Variants in C3 observed in about 807,000 individuals in gnomAD.
The protein encoded by C3 is complement C3.
Under a neutral mutation model 207.9 loss-of-function variants are expected in C3, and 97 were observed. The ratio of observed to expected loss-of-function variants is 0.47; its 90% CI spans 0.40 to 0.55. The LOEUF is 0.55. C3 is among the 20% of genes least tolerant of loss of function. The probability of loss-of-function intolerance (pLI) is 0.00; values close to 1 mark genes in which losing one functional copy is unlikely to be tolerated. For missense variants in C3, 1,684 were observed against 2,171.7 expected, an observed-to-expected ratio of 0.78 and a Z score of 4.46; for synonymous variants, 848 against 857.6, an observed-to-expected ratio of 0.99 and a Z score of 0.20.
intron 6 of C3, 37 bp from the exon 7 acceptor site, chr19:6,714,119 G>C (rs1967982234): frequency 1.2e-6 from 2 of 1,609,078 alleles, no homozygotes; most frequent in Admixed American, 1.7e-5. Flanking sequence ...CCGGCGCTGG[G>C]CCAGGCGTTC....
chr19:6,711,314 A>G (rs1967919432), intron 11 of C3, 118 bp from the exon 12 acceptor site: 1 of 764,642 alleles, frequency 1.3e-6, no homozygotes, highest in Non-Finnish European at 2.3e-6. Context: ...GATGGGATTA[A>G]GTTAGGGATC....
intron 17 of C3, among the ~76,000 whole-genome samples, chr19:6,705,961 A>C (rs1967766146): frequency 6.6e-6 from 1 of 152,212 alleles, no homozygotes; most frequent in Non-Finnish European, 1.5e-5. Flanking sequence ...GGTGTGAGCC[A>C]CCATGCCCGG....
At position 6,712,335 on chromosome 19, in the gene C3, C is replaced by A; in HGVS notation, c.1191G>T (p.Val397=). Residue 397 remains valine (V), a synonymous_variant, in exon 11 of 41, where the codon GTG becomes GTT. Transcript: ENST00000245907. ...VPVAVQGEDT[V]QSLTQGDGVA... is the part of the protein sequence containing the mutation. ...CGCCATCTCCCTGGGTTAGAGACTGCACAGTGTCCTCGCCCTGGACTGCCA... is the reference window on the plus strand; with the variant it reads ...CGCCATCTCCCTGGGTTAGAGACTGAACAGTGTCCTCGCCCTGGACTGCCA... 6.2e-7 allele frequency: 1 copy of A among 1,614,122 alleles called. No homozygotes were observed. Among genetic ancestry groups the A allele is most frequent in the Non-Finnish European group, 8.5e-7 (1 of 1,180,022 alleles).
At position 6,694,549 on chromosome 19, in the gene C3, T is replaced by C; in HGVS notation, c.3036A>G (p.Glu1012=). 6.2e-7 allele frequency: 1 copy of C among 1,614,040 alleles called. No homozygotes were observed. Among genetic ancestry groups the C allele is most frequent in the Non-Finnish European group, 8.5e-7 (1 of 1,179,936 alleles). The change falls in exon 24 of 41, where the codon GAA becomes GAG. Residue 1012 remains glutamate (E), a synonymous_variant. Transcript: ENST00000245907. ...HLIVTPSGCG[E]QNMIGMTPTV... Reference sequence around the variant, plus strand: ...TGGGCGTCATGCCGATCATGTTCTGTTCCCCGCAGCCCGAGGGGGTCACAA... The same window carrying C: ...TGGGCGTCATGCCGATCATGTTCTGCTCCCCGCAGCCCGAGGGGGTCACAA...
chr19:6,693,646 T>C (rs1436114444), intron 24 of C3, among the ~76,000 whole-genome samples, 159 bp from the exon 25 acceptor site: 1 of 124,332 alleles, frequency 8.0e-6, no homozygotes, highest in Admixed American at 9.8e-5. Context: ...TCAAAGAGGG[T>C]GGGGGATCAG....
intron 15 of C3, 91 bp downstream of exon 15, chr19:6,707,709 C>T: frequency 6.3e-7 from 1 of 1,579,418 alleles, no homozygotes; most frequent in Non-Finnish European, 8.7e-7. Context: ...GGGGCTTGAA[C>T]CCAGGCCCCC....
chr19:6,694,022 G>A (rs1484413383), intron 24 of C3, among the ~76,000 whole-genome samples: 17 of 110,662 alleles, frequency 1.5e-4, no homozygotes, highest in East Asian at 8.1e-4. Flanking sequence ...GTCTCATGAA[G>A]AGCCTGGCCT....
intron 19 of C3, among the ~76,000 whole-genome samples, chr19:6,701,376 C>G (rs1290498084): frequency 6.6e-6 from 1 of 152,108 alleles, no homozygotes; most frequent in East Asian, 1.9e-4. Context: ...AGAGACCTCC[C>G]AAAACATGCT....
rs866759048 is a variant in C3, at chr19:6,718,935, G to T, written c.267+276C>A. ...GGGGAGGAGTCTCAGAAGGGGTGGGGTCTCAGGGAAGGTCAGGGCTTAGAA... is the reference window on the plus strand; with the variant it reads ...GGGGAGGAGTCTCAGAAGGGGTGGGTTCTCAGGGAAGGTCAGGGCTTAGAA... On this transcript the variant is annotated intron_variant, in intron 2 of 40. Transcript: ENST00000245907. Among the ~76,000 whole-genome samples the T allele has an allele frequency of 1.8e-4, 25 of 137,772 alleles. 1 individual carries two copies. The highest frequency in any genetic ancestry group is 3.7e-3 in the Middle Eastern group (1 of 270). 90.4% of individuals were successfully genotyped at this position (137,772 alleles called of 152,430 possible).
At chr19:6,697,252 CTCA>C in intron 21 of C3, 89 bp downstream of exon 21, 1 of 955,670 alleles carries the variant, frequency 1.0e-6, no homozygotes, top group East Asian at 2.5e-5. Context: ...TTCTTAGTGT[CTCA>C]GAGCCTGGAT....
chr19:6,679,052 C>A lies in C3; in HGVS notation c.4630+73G>T, dbSNP rs935822386. ...CAGCCTGAAGCCACACCATGACAAC[C>A]ACACCTACCACCCACCACACAATTG... On this transcript the variant is annotated intron_variant, in intron 38 of 40. Transcript: ENST00000245907. The A allele has an allele frequency of 5.0e-6, 6 of 1,203,848 alleles. No homozygotes were observed. The African/African-American group carries it at 7.5e-5, about 15-fold the overall frequency. 74.6% of individuals were successfully genotyped at this position (1,203,848 alleles called of 1,614,324 possible). A position where few individuals can be genotyped will look rare whatever the true frequency, so the allele number is the denominator to read the frequency against.
At chr19:6,688,524 C>CTT (rs567622874) in intron 27 of C3, among the ~76,000 whole-genome samples, 2 of 144,352 alleles carry the variant, frequency 1.4e-5, no homozygotes, top group East Asian at 2.0e-4. Context: ...TTATAGCACA[C>CTT]TTTTTTTTTT....
chr19:6,698,031 T>G (rs1967578538), intron 19 of C3, among the ~76,000 whole-genome samples: 2 of 132,416 alleles, frequency 1.5e-5, no homozygotes, highest in Non-Finnish European at 1.6e-5. Context: ...TATTATTAAT[T>G]ATTTGAGACA....
intron 4 of C3, 23 bp downstream of exon 4, chr19:6,718,071 C>G (rs1328263776): frequency 1.1e-5 from 18 of 1,613,302 alleles, no homozygotes; most frequent in Non-Finnish European, 1.4e-5. Context: ...CCTGCTTCCC[C>G]TGGGGCCCCC....
At chr19:6,714,883 A>G (rs2145433047) in intron 4 of C3, among the ~76,000 whole-genome samples, 1 of 152,080 alleles carries the variant, frequency 6.6e-6, no homozygotes, top group South Asian at 2.1e-4. Context: ...CAAGGACCGG[A>G]GTCAGTCAAC....
At chr19:6,714,617 T>C (rs1967993616) in intron 4 of C3, among the ~76,000 whole-genome samples, 171 bp from the exon 5 acceptor site, 1 of 152,148 alleles carries the variant, frequency 6.6e-6, no homozygotes, top group Non-Finnish European at 1.5e-5. Context: ...ATCCCAGCAC[T>C]CTGGGAGGCT....
chr19:6,709,611 T>TTGG, intron 14 of C3, 73 bp downstream of exon 14: 5 of 1,109,440 alleles, frequency 4.5e-6, no homozygotes, highest in Non-Finnish European at 4.1e-6. Flanking sequence ...CCCTCTCCAG[T>TTGG]CCCACCCACC....
chr19:6,709,159 C>T (rs554110633), intron 14 of C3, among the ~76,000 whole-genome samples: 5 of 152,044 alleles, frequency 3.3e-5, no homozygotes, highest in African/African-American at 1.2e-4. Context: ...TGAAAGTGTC[C>T]AATTCTCAGC....
chr19:6,715,619 G>GTTTTTT (rs375022094), intron 4 of C3, among the ~76,000 whole-genome samples: 3 of 71,306 alleles, frequency 4.2e-5, no homozygotes, highest in Non-Finnish European at 6.0e-5. Flanking sequence ...TTTTTTTTTT[G>GTTTTTT]TTTTTTTTGT....
Sources: gnomAD v4.1 joint callset for allele counts (sites outside exome capture counted in the v4.1 genomes callset) on GRCh38, gnomAD v4.1.1 for gene constraint, MANE v1.5 for transcripts, NCBI Gene and HGNC (gene_info 2026-07-23, HGNC 2026-07-21) for gene names.